The following NRXN3 variants were observed in gnomAD, a reference collection of about 807,000 sequenced individuals.
NRXN3 encodes neurexin 3.
NRXN3 carries 32 observed loss-of-function variants against 137.6 expected under a neutral mutation model. The observed-to-expected ratio is 0.23, with a 90% CI of 0.18 to 0.31. NRXN3 has a LOEUF of 0.31. Among genes scored for constraint, NRXN3 ranks in the 10% least tolerant of loss-of-function variants. The probability of loss-of-function intolerance (pLI) is 1.00; values close to 1 mark genes in which losing one functional copy is unlikely to be tolerated. For synonymous variants in NRXN3, 798 were observed against 784.5 expected, an observed-to-expected ratio of 1.02 and a Z score of -0.29; for missense variants, 1,574 against 2,062.5, an observed-to-expected ratio of 0.76 and a Z score of 4.59.
Position 78,966,450 on chromosome 14 carries a change from A to G in NRXN3, c.2777+44A>G, listed in dbSNP as rs762672570. 4.5e-6 allele frequency: 7 copies of G among 1,561,616 alleles called. No homozygotes were observed. In the East Asian group the frequency reaches 1.1e-4, roughly 25 times the overall value. ...GACTTATGTTGGACACCTTTAATCT[A>G]CTGAAGCTCTACGTAAAATATGGAC... On this transcript the variant is annotated intron_variant, in intron 12 of 20. Transcript: ENST00000335750.
intron 4 of NRXN3, among the ~76,000 whole-genome samples, chr14:78,535,385 A>C (rs1221505949): frequency 2.6e-5 from 4 of 152,214 alleles, no homozygotes; most frequent in African/African-American, 9.6e-5. Flanking sequence ...TGTTATTCTT[A>C]GGATTATGCA....
intron 15 of NRXN3, among the ~76,000 whole-genome samples, chr14:79,349,692 C>T (rs2093107296): frequency 6.6e-6 from 1 of 152,052 alleles, no homozygotes; most frequent in Non-Finnish European, 1.5e-5. Context: ...AAGTCCTAAC[C>T]TCTGTTACCT....
chr14:79,031,313 T>G (rs896224954), intron 15 of NRXN3, among the ~76,000 whole-genome samples: 1 of 152,184 alleles, frequency 6.6e-6, no homozygotes, highest in Non-Finnish European at 1.5e-5. Flanking sequence ...AAAATAGAAC[T>G]TAAATGATTC....
chr14:79,424,913 A>C (rs1162332965), intron 15 of NRXN3, among the ~76,000 whole-genome samples: 1 of 152,120 alleles, frequency 6.6e-6, no homozygotes, highest in African/African-American at 2.4e-5. Context: ...GAGCATAATC[A>C]TGTGAATAAT....
At chr14:79,181,251 C>T (rs4423356) in intron 15 of NRXN3, among the ~76,000 whole-genome samples, 42,917 of 151,890 alleles carry the variant, frequency 0.28, 6,600 homozygotes, top group Non-Finnish European at 0.35. Context: ...TGGTACAAGC[C>T]TGTAAGTTAG....
At chr14:79,691,681 C>T (rs1567905506) in intron 17 of NRXN3, among the ~76,000 whole-genome samples, 1 of 152,052 alleles carries the variant, frequency 6.6e-6, no homozygotes, top group Non-Finnish European at 1.5e-5. Context: ...GAACATAAAG[C>T]TGTTGCAAAC....
At position 78,714,970 on chromosome 14, in the gene NRXN3, G is replaced by A. The variant is rs781425884; in HGVS notation, c.1875G>A (p.Gln625=). The A allele has an allele frequency of 6.2e-7, 1 of 1,614,224 alleles. No homozygotes were observed. Among genetic ancestry groups the A allele is most frequent in the South Asian group, 1.1e-5 (1 of 91,090 alleles). The change falls in exon 8 of 21, where the codon CAG becomes CAA. Residue 625 remains glutamine, a synonymous_variant. Transcript: ENST00000335750. ...ATGGGCGCAGCAAGAACATTCGACAGCTGGCAGAGATGCAGAATGCTGCGG... is the reference window on the plus strand; with the variant it reads ...ATGGGCGCAGCAAGAACATTCGACAACTGGCAGAGATGCAGAATGCTGCGG... The part of the protein sequence containing the change: ...FIDGRSKNIR[Q]LAEMQNAAGV...
Position 79,640,955 on chromosome 14 carries a change from T to C in NRXN3, c.3445-22823T>C, listed in dbSNP as rs1335413558. Among the ~76,000 whole-genome samples the C allele has an allele frequency of 2.2e-5, 3 of 135,534 alleles. 1 individual carries two copies. The highest frequency in any genetic ancestry group is 5.1e-5 in the Non-Finnish European group (3 of 58,286). 88.9% of individuals were successfully genotyped at this position (135,534 alleles called of 152,430 possible). A position where few individuals can be genotyped will look rare whatever the true frequency, so the allele number is the denominator to read the frequency against. On this transcript the variant is annotated intron_variant, in intron 16 of 20. Coordinates refer to ENST00000335750, the MANE Select transcript of NRXN3 (RefSeq NM_001330195.2). The stretch of plus-strand genomic sequence containing the variant: ...GCCTCTACTGGAGGCTAAGGGAAGC[T>C]AAACACTTAAGTTTTCTTCTATATT...
chr14:79,141,408 C>T (rs1487417977), intron 15 of NRXN3, among the ~76,000 whole-genome samples: 1 of 152,154 alleles, frequency 6.6e-6, no homozygotes, highest in Non-Finnish European at 1.5e-5. Context: ...CTGTGTCTGG[C>T]TCCTTGTAAG....
chr14:78,556,922 T>G (rs1433129058), intron 4 of NRXN3, among the ~76,000 whole-genome samples: 1 of 25,280 alleles, frequency 4.0e-5, no homozygotes, highest in Non-Finnish European at 7.4e-5. Context: ...CCCCTTCCCC[T>G]CCTCCTCCCC....
intron 4 of NRXN3, among the ~76,000 whole-genome samples, chr14:78,508,065 T>G (rs187767650): frequency 1.3e-5 from 2 of 152,242 alleles, no homozygotes; most frequent in African/African-American, 4.8e-5. Flanking sequence ...ATTTCTTGCC[T>G]CATTAGGGAG....
chr14:79,528,814 G>A (rs1044414840), intron 16 of NRXN3, among the ~76,000 whole-genome samples: 3 of 152,174 alleles, frequency 2.0e-5, no homozygotes, highest in Non-Finnish European at 2.9e-5. Flanking sequence ...CTTAATATGC[G>A]ATATAATAAG....
intron 4 of NRXN3, among the ~76,000 whole-genome samples, chr14:78,569,440 T>C (rs1179845310): frequency 6.6e-6 from 1 of 151,918 alleles, no homozygotes; most frequent in Non-Finnish European, 1.5e-5. Flanking sequence ...TAATTTTTTG[T>C]ATTTTTAGTA....
chr14:79,770,317 A>G (rs994619102), intron 19 of NRXN3, among the ~76,000 whole-genome samples: 4 of 152,086 alleles, frequency 2.6e-5, no homozygotes, highest in African/African-American at 9.7e-5. Context: ...TCAACAGACT[A>G]TACATTTTTT....
chr14:79,279,405 G>T, intron 15 of NRXN3: 2 of 986,224 alleles, frequency 2.0e-6, no homozygotes. Flanking sequence ...TGCCTCCCTG[G>T]TCCGCGCACT....
In NRXN3 at chr14:79,280,500, C is replaced by A. The variant is rs1219105750; in HGVS notation, c.3263-186721C>A. ...AGCAAGCATCACTCAGTGCCTATTTCTATCTATCGTTCCCCTGTTTCCCTT... is the reference window on the plus strand; with the variant it reads ...AGCAAGCATCACTCAGTGCCTATTTATATCTATCGTTCCCCTGTTTCCCTT... On this transcript the variant is annotated intron_variant, in intron 15 of 20. Transcript: ENST00000335750. The A allele has an allele frequency of 1.9e-6, 3 of 1,613,502 alleles. No individual in the cohort carries two copies. In the African/African-American group the frequency reaches 4.0e-5, roughly 22 times the overall value.
intron 14 of NRXN3, among the ~76,000 whole-genome samples, chr14:78,972,369 T>C (rs1598077729): frequency 6.6e-6 from 1 of 152,368 alleles, no homozygotes; most frequent in Non-Finnish European, 1.5e-5. Flanking sequence ...TTGAGCTTTT[T>C]GGTGTTCCCA....
chr14:78,412,305 C>G (rs753566701), intron 4 of NRXN3, among the ~76,000 whole-genome samples: 19 of 152,302 alleles, frequency 1.2e-4, no homozygotes, highest in Admixed American at 3.9e-4. Context: ...TAACATTCAA[C>G]ATGGTGGCTG....
intron 10 of NRXN3, among the ~76,000 whole-genome samples, chr14:78,952,702 A>G (rs1228616228): frequency 5.9e-5 from 9 of 152,212 alleles, no homozygotes; most frequent in Non-Finnish European, 1.2e-4. Flanking sequence ...TAAAGAGGGT[A>G]ATTTTCATAT....
Sources: gnomAD v4.1 joint callset for allele counts (sites outside exome capture counted in the v4.1 genomes callset) on GRCh38, gnomAD v4.1.1 for gene constraint, MANE v1.5 for transcripts, NCBI Gene and HGNC (gene_info 2026-07-23, HGNC 2026-07-21) for gene names.